CCBE1: variants seen among roughly 807,000 people sequenced by gnomAD.
CCBE1 encodes the protein collagen and calcium binding EGF domains 1.
Under a neutral mutation model 50.0 loss-of-function variants are expected in CCBE1, and 37 were observed. That is an observed-to-expected ratio of 0.74 (90% CI 0.57 to 0.97). The LOEUF is 0.97. Among genes scored for constraint, CCBE1 ranks in the 50% least tolerant of loss-of-function variants. The pLI is 0.00. For synonymous variants in CCBE1, 234 were observed against 203.7 expected, an observed-to-expected ratio of 1.15 and a Z score of -1.27; for missense variants, 538 against 523.8, an observed-to-expected ratio of 1.03 and a Z score of -0.26.
intron 2 of CCBE1, among the ~76,000 whole-genome samples, chr18:59,508,690 C>G (rs192961730): frequency 6.8e-6 from 1 of 147,204 alleles, no homozygotes; most frequent in Non-Finnish European, 1.5e-5. Context: ...TGGTTTAGCA[C>G]AGTACACACA....
At chr18:59,450,205 G>A (rs1055959530) in intron 6 of CCBE1, among the ~76,000 whole-genome samples, 4 of 152,128 alleles carry the variant, frequency 2.6e-5, no homozygotes, top group African/African-American at 9.7e-5. Context: ...AGAGCTGTTG[G>A]GATGAATCCG....
chr18:59,500,296 A>G (rs1360347933), intron 2 of CCBE1, among the ~76,000 whole-genome samples: 2 of 152,198 alleles, frequency 1.3e-5, no homozygotes, highest in South Asian at 2.1e-4. Context: ...ACCTCTGTTA[A>G]TAAAACTCTT....
At chr18:59,439,431 C>T in intron 9 of CCBE1, 112 bp downstream of exon 9, 2 of 1,298,364 alleles carry the variant, frequency 1.5e-6, no homozygotes, top group Non-Finnish European at 2.2e-6. Flanking sequence ...TGTGCCATTG[C>T]ACTCCAGCCT....
chr18:59,563,835 G>C (rs1315233516), intron 2 of CCBE1: 2 of 152,244 alleles, frequency 1.3e-5, no homozygotes, highest in Non-Finnish European at 2.9e-5. Flanking sequence ...TCGATGTTTA[G>C]AGGGGAAACA....
intron 2 of CCBE1, among the ~76,000 whole-genome samples, chr18:59,596,838 C>T (rs1409982109): frequency 1.3e-5 from 2 of 152,202 alleles, no homozygotes; most frequent in Admixed American, 6.5e-5. Context: ...ACTTTTGTTT[C>T]ACAGCCAAAG....
chr18:59,435,917 G>C lies in CCBE1; in HGVS notation c.1212C>G (p.Phe404Leu). ...ETRDLRAPRD[F>L]YP is the part of the protein sequence containing the mutation. ...ACGGTGTTGGGATGTGCTATGGGTA[G>C]AAGTCTCTGGGGGCTCTCAAGTCTC... Residue 404 changes from phenylalanine to leucine, a missense_variant, in exon 11 of 11, where the codon TTC becomes TTG. Physicochemically the swap from Phe to Leu is conservative, Grantham distance 22 (BLOSUM62 0). Transcript: ENST00000439986. 1 of 1,613,986 alleles carries C rather than the reference G, an allele frequency of 6.2e-7. No homozygotes were observed. Among genetic ancestry groups the C allele is most frequent in the South Asian group, 1.1e-5 (1 of 91,052 alleles).
At chr18:59,677,044 A>G (rs2054514310) in intron 2 of CCBE1, among the ~76,000 whole-genome samples, 2 of 152,174 alleles carry the variant, frequency 1.3e-5, no homozygotes, top group Admixed American at 1.3e-4. Flanking sequence ...TTGTTTCCAG[A>G]GTGATGAGAT....
At chr18:59,474,927 A>G (rs1233679204) in intron 3 of CCBE1, among the ~76,000 whole-genome samples, 1 of 152,098 alleles carries the variant, frequency 6.6e-6, no homozygotes, top group Non-Finnish European at 1.5e-5. Flanking sequence ...TCTGTTCTCC[A>G]GCTTCCAAAG....
chr18:59,478,385 A>G (rs994170277), intron 3 of CCBE1, among the ~76,000 whole-genome samples: 6 of 152,256 alleles, frequency 3.9e-5, no homozygotes, highest in African/African-American at 1.2e-4. Flanking sequence ...GATGATAGAA[A>G]CAATTATGAC....
intron 2 of CCBE1, among the ~76,000 whole-genome samples, chr18:59,587,827 T>A (rs187524629): frequency 2.7e-4 from 41 of 152,342 alleles, no homozygotes; most frequent in Non-Finnish European, 2.9e-5. Context: ...TTAGCAAGTT[T>A]GCTAGATAAA....
At chr18:59,581,910 C>T (rs1236014161) in intron 2 of CCBE1, among the ~76,000 whole-genome samples, 1 of 152,148 alleles carries the variant, frequency 6.6e-6, no homozygotes, top group Non-Finnish European at 1.5e-5. Flanking sequence ...AGCAGCAGTT[C>T]CATTTAGTGT....
At chr18:59,592,746 A>G (rs1037256248) in intron 2 of CCBE1, among the ~76,000 whole-genome samples, 1 of 152,164 alleles carries the variant, frequency 6.6e-6, no homozygotes, top group Non-Finnish European at 1.5e-5. Flanking sequence ...ACTTCTCCAT[A>G]TAGTTTTGTT....
intron 2 of CCBE1, among the ~76,000 whole-genome samples, chr18:59,592,673 A>G (rs147622829): frequency 2.0e-4 from 30 of 152,352 alleles, no homozygotes; most frequent in African/African-American, 7.0e-4. Context: ...AAAAATGAAC[A>G]TGGGAAGGAT....
intron 9 of CCBE1, among the ~76,000 whole-genome samples, chr18:59,439,211 C>T (rs1041313634): frequency 1.1e-4 from 16 of 152,106 alleles, no homozygotes; most frequent in East Asian, 1.9e-4. Context: ...GGCGTGAACT[C>T]GGGAGGTGGA....
At chr18:59,692,956 G>GCGCACA (rs1491138475) in intron 2 of CCBE1, among the ~76,000 whole-genome samples, 3 of 86,888 alleles carry the variant, frequency 3.5e-5, no homozygotes, top group African/African-American at 1.3e-4. Flanking sequence ...TCAAGCCAAA[G>GCGCACA]CACACACACA....
chr18:59,443,837 T>C (rs1388729409), intron 7 of CCBE1, among the ~76,000 whole-genome samples: 2 of 152,116 alleles, frequency 1.3e-5, no homozygotes, highest in Non-Finnish European at 2.9e-5. Context: ...GTGCAACAGA[T>C]CTCTATAACT....
chr18:59,636,060 G>A (rs1416791708), intron 2 of CCBE1, among the ~76,000 whole-genome samples: 4 of 152,104 alleles, frequency 2.6e-5, no homozygotes, highest in South Asian at 2.1e-4. Flanking sequence ...GGCTGAGGGA[G>A]GAGAATCGTT....
chr18:59,640,606 C>A (rs2053974046), intron 2 of CCBE1, among the ~76,000 whole-genome samples: 1 of 151,866 alleles, frequency 6.6e-6, no homozygotes, highest in Non-Finnish European at 1.5e-5. Context: ...AAAAGCAATG[C>A]AAAAGAAACA....
chr18:59,692,993 CACACACACACAA>C (rs1311418862), intron 2 of CCBE1, among the ~76,000 whole-genome samples: 20 of 131,208 alleles, frequency 1.5e-4, no homozygotes, highest in Admixed American at 1.1e-3. Flanking sequence ...CACACACACA[CACACACACACAA>C]ACAAAAAACG....
Sources: allele counts gnomAD v4.1 joint callset (sites outside exome capture counted in the v4.1 genomes callset), GRCh38; gene constraint gnomAD v4.1.1; transcripts MANE v1.5; gene names NCBI Gene and HGNC (gene_info 2026-07-23, HGNC 2026-07-21).